Variants in RHAG observed in about 807,000 individuals in gnomAD.
The protein encoded by RHAG is Rh associated glycoprotein, also known as ammonium transporter Rh type A.
In RHAG, 25 loss-of-function variants were observed where a neutral mutation model predicts 42.4. The observed-to-expected ratio is 0.59, with a 90% CI of 0.43 to 0.82. The LOEUF is 0.82. Among genes scored for constraint, RHAG ranks in the 40% least tolerant of loss-of-function variants. The probability of loss-of-function intolerance (pLI) is 0.00; values close to 1 mark genes in which losing one functional copy is unlikely to be tolerated. For missense variants in RHAG, 483 were observed against 504.6 expected (o/e 0.96, Z 0.41); for synonymous variants, 182 against 177.7 (o/e 1.02, Z -0.19).
intron 1 of RHAG, among the ~76,000 whole-genome samples, chr6:49,630,627 G>T (rs1343376452): frequency 6.6e-6 from 1 of 152,030 alleles, no homozygotes; most frequent in African/African-American, 2.4e-5. Context: ...CAAATATTTA[G>T]AAAAGAGAAT....
In RHAG at chr6:49,615,608, GT is replaced by G. The variant is rs757142738; in HGVS notation, c.640+15del. 1.5e-4 allele frequency: 247 copies of G among 1,613,622 alleles called. No homozygotes were observed. The highest frequency in any genetic ancestry group is 1.9e-4 in the Non-Finnish European group (226 of 1,179,754). ...TTTCAAATAGATAAGATTCAAGCAAGTTTATCCACACTCACCAATCATTGCA... is the reference window on the plus strand; with the variant it reads ...TTTCAAATAGATAAGATTCAAGCAAGTTATCCACACTCACCAATCATTGCA... On this transcript the variant is annotated intron_variant, in intron 4 of 9. Transcript: ENST00000371175.
At chr6:49,634,756 A>T (rs1762982162) in intron 1 of RHAG, among the ~76,000 whole-genome samples, 1 of 152,106 alleles carries the variant, frequency 6.6e-6, no homozygotes, top group Admixed American at 6.6e-5. Context: ...ATGTTTTTAC[A>T]AGTAGTGTAG....
At chr6:49,622,956 C>T (rs1334996809) in intron 1 of RHAG, among the ~76,000 whole-genome samples, 1 of 151,958 alleles carries the variant, frequency 6.6e-6, no homozygotes, top group East Asian at 1.9e-4. Context: ...CTGCCTCAGC[C>T]TCCCGAGTAG....
Position 49,636,651 on chromosome 6 carries a change from C to T in RHAG, c.157+5G>A. On this transcript the variant is annotated splice_donor_5th_base_variant and intron_variant, in intron 1 of 9. Transcript: ENST00000371175. ...TGTATAGTAAGTAGTAAATTGCCTA[C>T]TCACGAGGATATAACTCAAAGAATA... 1 of 1,613,798 alleles carries T rather than the reference C, an allele frequency of 6.2e-7. No individual in the cohort carries two copies. Among genetic ancestry groups the T allele is most frequent in the Non-Finnish European group, 8.5e-7 (1 of 1,179,694 alleles).
At chr6:49,616,122 C>T (rs1762649629) in intron 3 of RHAG, among the ~76,000 whole-genome samples, 1 of 152,114 alleles carries the variant, frequency 6.6e-6, no homozygotes, top group Admixed American at 6.6e-5. Flanking sequence ...TTCTAAAGTG[C>T]TAGTTCCCTG....
rs145934685 is a variant in RHAG at position 49,628,741 on chromosome 6, G to C, written c.157+7915C>G. On this transcript the variant is annotated intron_variant, in intron 1 of 9. Transcript: ENST00000371175. ...CGGTGAGTGTTACAGCTCTTAAGGT[G>C]GCGCGTCTCGAGTTGTTCGTTCCTC... Among the ~76,000 whole-genome samples the C allele has an allele frequency of 2.8e-3, 429 of 151,330 alleles. 3 individuals are homozygous for C. The highest frequency in any genetic ancestry group is 9.9e-3 in the African/African-American group (406 of 41,162).
Position 49,614,757 on chromosome 6 carries a change from G to C in RHAG, c.737C>G (p.Ser246Cys). ...GGCTGTGAGCACACAGGCAGCGAGA[G>C]AGAAGTACGTGTTTACAATGGCCCT... Reference protein sequence around the residue: ...QCRAIVNTYFSLAACVLTAFA... With the variant: ...QCRAIVNTYFCLAACVLTAFA... The change falls in exon 5 of 10, where the codon TCT (serine) becomes TGT (cysteine). Residue 246 changes from serine to cysteine, a missense_variant. Ser to Cys is a moderately radical substitution (Grantham distance 112, BLOSUM62 -1). Transcript: ENST00000371175. The C allele has an allele frequency of 6.2e-7, 1 of 1,614,142 alleles. No homozygotes were observed. Among genetic ancestry groups the C allele is most frequent in the Non-Finnish European group, 8.5e-7 (1 of 1,180,042 alleles).
intron 7 of RHAG, among the ~76,000 whole-genome samples, chr6:49,610,174 C>A (rs1261321116): frequency 2.0e-5 from 3 of 152,132 alleles, no homozygotes; most frequent in African/African-American, 7.2e-5. Flanking sequence ...CACCAAGATA[C>A]ATGTATACCT....
Position 49,614,920 on chromosome 6 carries a change from CTTTA to C in RHAG, c.641-71_641-68del, listed in dbSNP as rs548213135. On this transcript the variant is annotated intron_variant, in intron 4 of 9. Transcript: ENST00000371175. ...AAGACAGTCCAGAGGATGCAGTTTG[CTTTA>C]TTTATTTATTTACTTATTTATTTGT... The C allele has an allele frequency of 4.5e-4, 635 of 1,398,132 alleles. 1 individual carries two copies. In the African/African-American group the frequency reaches 7.9e-3, roughly 17 times the overall value. The allele number at this position is 1,398,132 out of a possible 1,614,324, so 86.6% of individuals were successfully genotyped here.
chr6:49,633,713 G>T (rs73435828), intron 1 of RHAG, among the ~76,000 whole-genome samples: 4,316 of 152,206 alleles, frequency 0.028, 222 homozygotes, highest in African/African-American at 0.099. Flanking sequence ...TTAATTAATT[G>T]CACGCAATGG....
intron 3 of RHAG, 21 bp downstream of exon 3, chr6:49,618,047 T>C (rs748756741): frequency 6.2e-7 from 1 of 1,610,960 alleles, no homozygotes; most frequent in Non-Finnish European, 8.5e-7. Context: ...GCTAGGAAAG[T>C]ATAAATTTTC....
At chr6:49,606,057 A>G (rs1355512410) in intron 9 of RHAG, among the ~76,000 whole-genome samples, 2 of 152,146 alleles carry the variant, frequency 1.3e-5, no homozygotes, top group African/African-American at 4.8e-5. Context: ...TTTGCTGAAA[A>G]CACCCAAACA....
intron 1 of RHAG, among the ~76,000 whole-genome samples, chr6:49,626,343 G>A (rs1412637312): frequency 6.6e-6 from 1 of 152,180 alleles, no homozygotes; most frequent in Non-Finnish European, 1.5e-5. Flanking sequence ...GGGAGAAATT[G>A]GCAAAAACAA....
chr6:49,630,875 G>A (rs1439605499), intron 1 of RHAG, among the ~76,000 whole-genome samples: 3 of 152,054 alleles, frequency 2.0e-5, no homozygotes, highest in African/African-American at 7.2e-5. Flanking sequence ...TAAAATTTCT[G>A]GATTAATTAT....
chr6:49,624,552 G>T (rs984036450), intron 1 of RHAG, among the ~76,000 whole-genome samples: 2 of 152,172 alleles, frequency 1.3e-5, no homozygotes, highest in African/African-American at 4.8e-5. Context: ...CACTGTATTA[G>T]CTCTATGCTA....
intron 8 of RHAG, 28 bp from the exon 9 acceptor site, chr6:49,606,949 T>A (rs771546359): frequency 6.5e-7 from 1 of 1,533,694 alleles, no homozygotes; most frequent in Non-Finnish European, 9.0e-7. Context: ...AAATGAGTCA[T>A]GTTGTGACGC....
chr6:49,613,048 G>C (rs1762593116), intron 5 of RHAG, among the ~76,000 whole-genome samples: 2 of 151,842 alleles, frequency 1.3e-5, no homozygotes, highest in South Asian at 2.1e-4. Flanking sequence ...GGACATTTGA[G>C]GATGAAGGAA....
At chr6:49,629,533 C>G (rs1012964657) in intron 1 of RHAG, among the ~76,000 whole-genome samples, 3 of 152,176 alleles carry the variant, frequency 2.0e-5, no homozygotes. Flanking sequence ...CTGCCAGTCC[C>G]GGTGTTGTGC....
At chr6:49,625,980 G>A (rs772667083) in intron 1 of RHAG, among the ~76,000 whole-genome samples, 6 of 152,104 alleles carry the variant, frequency 3.9e-5, no homozygotes, top group Admixed American at 2.0e-4. Context: ...TGGGAACAGC[G>A]CAGGAAAGAG....
Sources: gnomAD v4.1 joint callset for allele counts (sites outside exome capture counted in the v4.1 genomes callset) on GRCh38, gnomAD v4.1.1 for gene constraint, MANE v1.5 for transcripts, NCBI Gene and HGNC (gene_info 2026-07-23, HGNC 2026-07-21) for gene names.